The following EPB41L1 variants were observed in gnomAD, a reference collection of about 807,000 sequenced individuals.
The protein encoded by EPB41L1 is erythrocyte membrane protein band 4.1 like 1.
EPB41L1 carries 29 observed loss-of-function variants against 97.8 expected under a neutral mutation model. The ratio of observed to expected loss-of-function variants is 0.30; its 90% CI spans 0.22 to 0.40. The LOEUF is 0.40. EPB41L1 is among the 10% of genes least tolerant of loss of function. The pLI is 1.00. For synonymous variants in EPB41L1, 383 were observed against 459.2 expected (o/e 0.83, Z 2.12); for missense variants, 812 against 1,162.3 (o/e 0.70, Z 4.38).
Position 36,206,245 on chromosome 20 carries a change from A to T in EPB41L1, c.1669-3243A>T, listed in dbSNP as rs1451664872. The T allele has an allele frequency of 1.6e-6, 2 of 1,289,926 alleles. No individual in the cohort carries two copies. The highest frequency in any genetic ancestry group is 2.0e-6 in the Non-Finnish European group (2 of 988,902). The allele number at this position is 1,289,926 out of a possible 1,614,324, so 79.9% of individuals were successfully genotyped here. On this transcript the variant is annotated intron_variant, in intron 14 of 21. Transcript: ENST00000338074. This position sits in a 1 kb window ranked among gnomAD's most constrained non-coding sequence, Gnocchi z 5.5. ...AGAGGCAACCATCAGGAACCGCTGC[A>T]TGTCAGATGGTCAGCCGGAGGGCCA...
chr20:36,097,779 C>T (rs962677947), intron 1 of EPB41L1, among the ~76,000 whole-genome samples: 2 of 152,276 alleles, frequency 1.3e-5, no homozygotes, highest in Admixed American at 6.5e-5. Flanking sequence ...CAAATAGTTC[C>T]ACATGGTTGG....
chr20:36,129,943 T>G (rs867881124), intron 2 of EPB41L1, among the ~76,000 whole-genome samples: 40 of 147,448 alleles, frequency 2.7e-4, no homozygotes, highest in Middle Eastern at 3.5e-3. Flanking sequence ...TGTTTTTTTT[T>G]TTTGTTTTTT....
chr20:36,123,644 C>G (rs1341807737), intron 2 of EPB41L1, among the ~76,000 whole-genome samples: 1 of 152,180 alleles, frequency 6.6e-6, no homozygotes, highest in East Asian at 1.9e-4. Flanking sequence ...GTTGGCCAGG[C>G]TGGTCTCAAA....
intron 1 of EPB41L1, among the ~76,000 whole-genome samples, chr20:36,111,602 A>G (rs2058402946): frequency 6.6e-6 from 1 of 152,106 alleles, no homozygotes; most frequent in African/African-American, 2.4e-5. Flanking sequence ...CTTGGCCAAC[A>G]TGGTAAAACC....
chr20:36,189,564 T>G (rs1365912466), intron 9 of EPB41L1, among the ~76,000 whole-genome samples: 1 of 152,178 alleles, frequency 6.6e-6, no homozygotes, highest in African/African-American at 2.4e-5. Context: ...GCTTCTCACA[T>G]AGCTGGTTCC....
intron 14 of EPB41L1, among the ~76,000 whole-genome samples, chr20:36,202,724 A>G (rs1433173517): frequency 6.6e-6 from 1 of 151,414 alleles, no homozygotes; most frequent in Non-Finnish European, 1.5e-5. Flanking sequence ...GAGGCAGGAG[A>G]ATCGCTTGAA....
At position 36,207,011 on chromosome 20, in the gene EPB41L1, C is replaced by T; in HGVS notation, c.1669-2477C>T. On this transcript the variant is annotated intron_variant, in intron 14 of 21. Transcript: ENST00000338074. This position sits in a 1 kb window ranked among gnomAD's most constrained non-coding sequence, Gnocchi z 4.9. ...CCACCCAAAGAGAGGGGAGTGGTTC[C>T]CACCCAGAAAGGAGGGGCTGAGCTG... 1.6e-6 allele frequency: 2 copies of T among 1,289,918 alleles called. No homozygotes were observed. Among genetic ancestry groups the T allele is most frequent in the South Asian group, 2.5e-5 (2 of 81,036 alleles). 79.9% of individuals were successfully genotyped at this position (1,289,918 alleles called of 1,614,324 possible).
At chr20:36,146,124 C>T (rs868438999) in intron 2 of EPB41L1, among the ~76,000 whole-genome samples, 5 of 152,194 alleles carry the variant, frequency 3.3e-5, no homozygotes, top group African/African-American at 1.2e-4. Flanking sequence ...CTTCTTACAA[C>T]CTTTAGTGCT....
In EPB41L1 at chr20:36,116,602, T is replaced by A. The variant is rs930870527; in HGVS notation, c.-10+4122T>A. 3.3e-5 allele frequency among the ~76,000 whole-genome samples: 5 copies of A among 152,214 alleles called. No individual in the cohort carries two copies. In the South Asian group the frequency reaches 8.3e-4, roughly 25 times the overall value. On this transcript the variant is annotated intron_variant, in intron 2 of 19. Transcript: ENST00000202028. ...GGAAAAATGGTCCATTCCCCGGGGATCAGCACTTTCTCCAGACAGCACAGT... is the reference window on the plus strand; with the variant it reads ...GGAAAAATGGTCCATTCCCCGGGGAACAGCACTTTCTCCAGACAGCACAGT...
At chr20:36,103,406 CCTCT>C (rs1160116673) in intron 1 of EPB41L1, among the ~76,000 whole-genome samples, 1 of 152,146 alleles carries the variant, frequency 6.6e-6, no homozygotes, top group African/African-American at 2.4e-5. Context: ...AGGGCCCCTC[CCTCT>C]ATTTGTGGAT....
chr20:36,161,155 G>A (rs1165021224), intron 1 of EPB41L1, among the ~76,000 whole-genome samples: 3 of 152,196 alleles, frequency 2.0e-5, no homozygotes, highest in Non-Finnish European at 1.5e-5. Context: ...TCAAAAGGTG[G>A]TGATGTCCCA....
chr20:36,178,077 G>T (rs781608818), intron 4 of EPB41L1, 21 bp downstream of exon 4: 13 of 1,578,492 alleles, frequency 8.2e-6, no homozygotes, highest in Non-Finnish European at 1.1e-5. Flanking sequence ...TAGGGAGCAG[G>T]GTGGGACCTG....
intron 6 of EPB41L1, among the ~76,000 whole-genome samples, chr20:36,184,189 C>T (rs1387192908): frequency 1.3e-5 from 2 of 151,700 alleles, no homozygotes; most frequent in Non-Finnish European, 2.9e-5. Context: ...GAGCTGAGAT[C>T]GTGCCACTGC....
intron 1 of EPB41L1, 81 bp from the exon 2 acceptor site, chr20:36,173,683 T>G: frequency 7.7e-7 from 1 of 1,293,812 alleles, no homozygotes; most frequent in Non-Finnish European, 1.1e-6. Flanking sequence ...TCTGTCTCTC[T>G]CCGCGTGTGG....
At chr20:36,112,371 A>G (rs1026321847) in intron 1 of EPB41L1, 2 of 152,380 alleles carry the variant, frequency 1.3e-5, no homozygotes, top group Non-Finnish European at 2.9e-5. Context: ...TTTCCAGCAC[A>G]TGCTGGGCTC....
intron 2 of EPB41L1, chr20:36,121,741 AGCTGACGGAACAGGTTCCAGCAAGG>A (rs1170316868): frequency 2.0e-5 from 3 of 152,138 alleles, no homozygotes. Flanking sequence ...GGCTTCTGAG[AGCTGACGGAACAGGTTCCAGCAAGG>A]CAGACCCTGA....
rs2058088386 is a variant in EPB41L1 at position 36,103,521 on chromosome 20, C to A, written c.-64-8905C>A. On this transcript the variant is annotated intron_variant, in intron 1 of 19. Transcript: ENST00000202028. ...GAGCAGATCACTTCCTCTCTCCGAG[C>A]CTTAATTTTCTCAGTTTAAAACAAA... Among the ~76,000 whole-genome samples the A allele has an allele frequency of 2.6e-5, 4 of 152,122 alleles. No individual in the cohort carries two copies. The South Asian group carries it at 8.3e-4, about 32-fold the overall frequency.
intron 13 of EPB41L1, among the ~76,000 whole-genome samples, chr20:36,196,161 C>G (rs2062191643): frequency 6.6e-6 from 1 of 152,202 alleles, no homozygotes; most frequent in Non-Finnish European, 1.5e-5. Flanking sequence ...TAAGAAGAGC[C>G]TTGCCTTGGA....
chr20:36,154,710 C>G (rs1191927352), upstream of EPB41L1: 1 of 984,248 alleles, frequency 1.0e-6, no homozygotes, highest in African/African-American at 1.8e-5. This position sits in a 1 kb window ranked among gnomAD's most constrained non-coding sequence, Gnocchi z 5.5. Flanking sequence ...CTGGCGCACG[C>G]CGAGCCGCCG....
Sources: allele counts gnomAD v4.1 joint callset (sites outside exome capture counted in the v4.1 genomes callset), GRCh38; gene constraint gnomAD v4.1.1; non-coding constraint Gnocchi (gnomAD v3.1); transcripts MANE v1.5; gene names NCBI Gene and HGNC (gene_info 2026-07-23, HGNC 2026-07-21).